The following DIP2C variants were observed in gnomAD, a reference collection of about 807,000 sequenced individuals.
DIP2C encodes the protein DIP2 acetate--CoA ligase C (putative).
In DIP2C, 33 loss-of-function variants were observed where a neutral mutation model predicts 192.4. The ratio of observed to expected loss-of-function variants is 0.17; its 90% confidence interval spans 0.13 to 0.23. The LOEUF is 0.23. DIP2C is among the 10% of genes least tolerant of loss of function. The probability of loss-of-function intolerance (pLI) is 1.00; values close to 1 mark genes in which losing one functional copy is unlikely to be tolerated. For synonymous variants in DIP2C, 979 were observed against 864.1 expected (o/e 1.13, Z -2.33); for missense variants, 1,537 against 2,110.1 (o/e 0.73, Z 5.32).
intron 1 of DIP2C, among the ~76,000 whole-genome samples, chr10:518,286 G>A (rs934314229): frequency 2.0e-5 from 3 of 152,226 alleles, no homozygotes; most frequent in Admixed American, 6.5e-5. Flanking sequence ...GAAAAGCGGC[G>A]TTGCCAGGAT....
intron 1 of DIP2C, chr10:664,193 TTGCTCAGGG>T (rs1463914232): frequency 6.6e-6 from 1 of 151,154 alleles, no homozygotes; most frequent in Non-Finnish European, 1.5e-5. Context: ...GTTTTCAACG[TTGCTCAGGG>T]TATCTCCACA....
At chr10:461,047 G>A (rs1057350192) in intron 3 of DIP2C, among the ~76,000 whole-genome samples, 1 of 152,176 alleles carries the variant, frequency 6.6e-6, no homozygotes, top group African/African-American at 2.4e-5. Context: ...GCTCCTGAAG[G>A]AAGCACTAAA....
chr10:483,842 G>C (rs1443358983), intron 2 of DIP2C, among the ~76,000 whole-genome samples: 1 of 151,782 alleles, frequency 6.6e-6, no homozygotes, highest in Non-Finnish European at 1.5e-5. Flanking sequence ...TTTGAGACAG[G>C]GTCTCGCTCT....
chr10:551,791 C>G (rs61831033), intron 1 of DIP2C, among the ~76,000 whole-genome samples: 6,374 of 152,296 alleles, frequency 0.042, 247 homozygotes, highest in African/African-American at 0.099. Flanking sequence ...CCAGGCTCCT[C>G]AGAGCCAGGC....
At chr10:493,753 C>T (rs959382249) in intron 1 of DIP2C, among the ~76,000 whole-genome samples, 7 of 152,206 alleles carry the variant, frequency 4.6e-5, no homozygotes, top group Non-Finnish European at 8.8e-5. Context: ...CCTACAAAGT[C>T]GGGGTCTTAC....
At chr10:418,379 G>T (rs56177935) in intron 6 of DIP2C, among the ~76,000 whole-genome samples, 1 of 151,736 alleles carries the variant, frequency 6.6e-6, no homozygotes, top group South Asian at 2.1e-4. Context: ...CCCGTGCACC[G>T]CAAGATGACA....
rs149433709 is a variant in DIP2C, at chr10:408,261, G to T, written c.1149+665C>A. Among the ~76,000 whole-genome samples the T allele has an allele frequency of 3.3e-3, 502 of 150,546 alleles. 1 individual carries two copies. The highest frequency in any genetic ancestry group is 5.8e-3 in the Non-Finnish European group (395 of 67,728). The stretch of plus-strand genomic sequence containing the variant: ...AAATCACTTATCCATATACATGAGG[G>T]TTTATCTCTGGGCCCTTTATTCTGT... On this transcript the variant is annotated intron_variant, in intron 9 of 36. Coordinates refer to ENST00000280886, the MANE Select transcript of DIP2C (RefSeq NM_014974.3).
chr10:349,350 C>G lies in DIP2C; in HGVS notation c.3090G>C (p.Val1030=). The G allele has an allele frequency of 6.2e-7, 1 of 1,609,008 alleles. No homozygotes were observed. The highest frequency in any genetic ancestry group is 8.5e-7 in the Non-Finnish European group (1 of 1,179,140). The change falls in exon 25 of 37, where the codon GTG becomes GTC. Residue 1030 remains valine (V), a synonymous_variant. Transcript: ENST00000280886. ...CTGTACCTGGGGGGTAGACCAAGGC[C>G]ACGTGGTCGCCGTCCTGAAGGTGGC... ...ERGHLQDGDH[V]ALVYPPGIDL...
intron 1 of DIP2C, among the ~76,000 whole-genome samples, chr10:492,345 A>AC (rs1404712416): frequency 6.6e-6 from 1 of 152,104 alleles, no homozygotes; most frequent in Non-Finnish European, 1.5e-5. Context: ...CGCCTTGGCC[A>AC]CCCGTGCTCT....
intron 1 of DIP2C, among the ~76,000 whole-genome samples, chr10:673,377 A>G (rs1236101380): frequency 6.6e-6 from 1 of 152,202 alleles, no homozygotes; most frequent in Non-Finnish European, 1.5e-5. Context: ...AGGACGAAAA[A>G]GGATCCACAT....
At chr10:356,619 T>TA in intron 23 of DIP2C, 113 bp from the exon 24 acceptor site, 1 of 774,344 alleles carries the variant, frequency 1.3e-6, no homozygotes, top group Non-Finnish European at 2.1e-6. Flanking sequence ...CTTTGGGTCT[T>TA]AAAACCGCAT....
chr10:651,001 C>T lies in DIP2C; in HGVS notation c.85+38493G>A. 1 of 717,454 alleles carries T rather than the reference C, an allele frequency of 1.4e-6. No homozygotes were observed. Among genetic ancestry groups the T allele is most frequent in the Non-Finnish European group, 2.6e-6 (1 of 385,096 alleles). 44.4% of individuals were successfully genotyped at this position (717,454 alleles called of 1,614,324 possible). A position where few individuals can be genotyped will look rare whatever the true frequency, so the allele number is the denominator to read the frequency against. On this transcript the variant is annotated intron_variant, in intron 1 of 36. Transcript: ENST00000280886. The surrounding 1 kb of genome is among the most constrained non-coding windows in gnomAD (Gnocchi z 4.1). The stretch of plus-strand genomic sequence containing the variant: ...GCCCTCTCTCCATCTCTCCCGGTGC[C>T]AGGGCTCAGGCCCCAGCCCCCGTTT...
At chr10:603,490 A>G (rs1395469083) in intron 1 of DIP2C, among the ~76,000 whole-genome samples, 2 of 152,074 alleles carry the variant, frequency 1.3e-5, no homozygotes. Flanking sequence ...CCACTCCCCC[A>G]GGAGCTCTGA....
Position 356,414 on chromosome 10 carries a change from T to C in DIP2C, c.2985+12A>G. 1 of 1,610,330 alleles carries C rather than the reference T, an allele frequency of 6.2e-7. No homozygotes were observed. The highest frequency in any genetic ancestry group is 1.1e-5 in the South Asian group (1 of 91,084). ...AGGCCAGTAGCCAGGGAAGGCCAGC[T>C]CCGCGCCTCACCCGACAGTTGAGCA... is the stretch of plus-strand genomic sequence containing the variant. On this transcript the variant is annotated intron_variant, in intron 24 of 36. Transcript: ENST00000280886.
chr10:524,327 A>G (rs1380806213), intron 1 of DIP2C, among the ~76,000 whole-genome samples: 1 of 152,248 alleles, frequency 6.6e-6, no homozygotes, highest in East Asian at 1.9e-4. Context: ...GTCCCTGCTC[A>G]GATGCAAAAA....
chr10:548,209 C>CCCCG (rs1554897779), intron 1 of DIP2C, among the ~76,000 whole-genome samples: 1 of 34,902 alleles, frequency 2.9e-5, no homozygotes, highest in Non-Finnish European at 5.9e-5. Context: ...GTCTGCCCCA[C>CCCCG]CCCCCCCCCC....
chr10:327,059 G>A lies in DIP2C; in HGVS notation c.3871C>T (p.Arg1291Trp), dbSNP rs1564560514. 7 of 1,614,144 alleles carry A rather than the reference G, an allele frequency of 4.3e-6. No homozygotes were observed. Among genetic ancestry groups the A allele is most frequent in the Non-Finnish European group, 5.9e-6 (7 of 1,180,028 alleles). ...KLFKDLGLHP[R>W]AVSTSFGCRV... Reference sequence around the variant, plus strand: ...CAACCGAACGAGGTGCTGACGGCCCGCGGGTGAAGGCCCAGGTCCTTAAAC... The same window carrying A: ...CAACCGAACGAGGTGCTGACGGCCCACGGGTGAAGGCCCAGGTCCTTAAAC... Residue 1291 changes from arginine to tryptophan, a missense_variant, in exon 31 of 37, where the codon CGG becomes TGG. This residue lies in a region of DIP2C where 341 missense variants were observed against 551.7 expected (regional missense o/e 0.62). Transcript: ENST00000280886.
chr10:390,300 G>A lies in DIP2C; in HGVS notation c.1458C>T (p.His486=). ...CAGTGTCGTTATTGGCATCTTTAAT[G>A]TGTGGGAACCAGTCTCGGGGCGGTT... The part of the protein sequence containing the change: ...LSKPPRDWFP[H]IKDANNDTAY... The change falls in exon 12 of 37, where the codon CAC becomes CAT. Residue 486 remains histidine, a synonymous_variant. Transcript: ENST00000280886. 6.2e-7 allele frequency: 1 copy of A among 1,614,000 alleles called. No homozygotes were observed. Among genetic ancestry groups the A allele is most frequent in the Non-Finnish European group, 8.5e-7 (1 of 1,180,012 alleles).
chr10:638,363 T>A (rs1854949296), intron 1 of DIP2C, among the ~76,000 whole-genome samples: 1 of 152,224 alleles, frequency 6.6e-6, no homozygotes, highest in Non-Finnish European at 1.5e-5. Flanking sequence ...AGAATTCTAT[T>A]TAATTTGATC....
Sources: allele counts gnomAD v4.1 joint callset (sites outside exome capture counted in the v4.1 genomes callset), GRCh38; gene constraint gnomAD v4.1.1; regional missense constraint gnomAD v4.1.1; non-coding constraint Gnocchi (gnomAD v3.1); transcripts MANE v1.5; gene names NCBI Gene and HGNC (gene_info 2026-07-23, HGNC 2026-07-21).